The following TGDS variants were observed in gnomAD, a reference collection of about 807,000 sequenced individuals.
TGDS encodes UDP-D-glucose 4,6-dehydratase.
TGDS carries 47 observed loss-of-function variants against 52.3 expected under a neutral mutation model. That is an observed-to-expected ratio of 0.90 (90% CI 0.71 to 1.15). The LOEUF is 1.15. Ranked by LOEUF, TGDS falls within the 50% of genes most tolerant of loss-of-function variation. The pLI is 0.00. For missense variants in TGDS, 375 were observed against 418.4 expected (o/e 0.90, Z 0.90); for synonymous variants, 115 against 136.9 (o/e 0.84, Z 1.12).
chr13:94,595,991 T>G, intron 1 of TGDS, 60 bp downstream of exon 1: 6 of 1,601,976 alleles, frequency 3.7e-6, no homozygotes, highest in Non-Finnish European at 5.1e-6. Flanking sequence ...CAAGCAGAGC[T>G]GCGGGAAAAG....
chr13:94,581,220 G>A (rs781433395), intron 5 of TGDS, 31 bp from the exon 6 acceptor site: 3 of 1,371,584 alleles, frequency 2.2e-6, no homozygotes, highest in East Asian at 2.5e-5. Context: ...TTAAAAAAGT[G>A]TTATGCATAT....
chr13:94,593,910 A>G lies in TGDS; in HGVS notation c.87-3T>C, dbSNP rs756788268. The G allele has an allele frequency of 8.4e-6, 13 of 1,547,390 alleles. No homozygotes were observed. Among genetic ancestry groups the G allele is most frequent in the Non-Finnish European group, 1.1e-5 (13 of 1,143,038 alleles). On this transcript the variant is annotated splice_region_variant and splice_polypyrimidine_tract_variant and intron_variant, in intron 1 of 11. Transcript: ENST00000261296. ...AAGAGACAATCATATGTGATGCACT[A>G]TGGAAAAAAAGTATATCTTGTTAGT... is the stretch of plus-strand genomic sequence containing the variant.
intron 9 of TGDS, 77 bp from the exon 10 acceptor site, chr13:94,577,506 T>G: frequency 8.0e-7 from 1 of 1,242,336 alleles, no homozygotes; most frequent in Non-Finnish European, 1.1e-6. Context: ...AATGGCTGAT[T>G]AAAAAGAAAA....
At chr13:94,586,751 ATTTTTT>A (rs55763244) in intron 4 of TGDS, among the ~76,000 whole-genome samples, 2 of 36,840 alleles carry the variant, frequency 5.4e-5, no homozygotes, top group Non-Finnish European at 1.1e-4. Flanking sequence ...AAATCAAATT[ATTTTTT>A]TTTTTTTTTT....
At chr13:94,576,691 AAATGTTC>A (rs1385221925) in intron 10 of TGDS, among the ~76,000 whole-genome samples, 1 of 152,192 alleles carries the variant, frequency 6.6e-6, no homozygotes, top group Non-Finnish European at 1.5e-5. Flanking sequence ...AAAACTCAAC[AAATGTTC>A]AATGACTAAA....
intron 5 of TGDS, among the ~76,000 whole-genome samples, chr13:94,582,385 A>G (rs1299841008): frequency 2.0e-5 from 3 of 152,182 alleles, no homozygotes; most frequent in Non-Finnish European, 4.4e-5. Context: ...GAGATTTGCA[A>G]TTCTCTTGCA....
At chr13:94,590,735 C>T (rs1889166171) in intron 4 of TGDS, 118 bp downstream of exon 4, 1 of 727,728 alleles carries the variant, frequency 1.4e-6, no homozygotes, top group African/African-American at 1.9e-5. Context: ...ATAACACAGT[C>T]ACCGTGGGCT....
chr13:94,578,221 C>A, intron 8 of TGDS, 51 bp from the exon 9 acceptor site: 1 of 1,566,476 alleles, frequency 6.4e-7, no homozygotes. Context: ...GGTAAACTCT[C>A]CTAAAGCATT....
intron 2 of TGDS, among the ~76,000 whole-genome samples, chr13:94,593,025 G>A (rs1387510516): frequency 6.6e-6 from 1 of 152,008 alleles, no homozygotes. Context: ...TTGGTGGCAT[G>A]TGCCTGTAAT....
Position 94,578,010 on chromosome 13 carries a change from G to A in TGDS, c.820C>T (p.Gln274Ter), listed in dbSNP as rs140589210. The change falls in exon 9 of 12, where the codon CAA (glutamine) becomes TAA (stop). Residue 274 changes from glutamine to a stop codon, truncating the protein, a stop_gained. Transcript: ENST00000261296. LOFTEE classifies it high-confidence loss of function. ...SVVQLAKELI[Q>*]LIKETNSESE... ...CTTTTAAAACAGATACATACCAGTT[G>A]TATTAGTTCTTTGGCAAGCTGGACA... 2 of 1,613,634 alleles carry A rather than the reference G, an allele frequency of 1.2e-6. No individual in the cohort carries two copies. The highest frequency in any genetic ancestry group is 1.7e-6 in the Non-Finnish European group (2 of 1,179,750).
Position 94,578,790 on chromosome 13 carries a change from A to ATATCAT in TGDS, c.616-23_616-18dup. 7.0e-7 allele frequency: 1 copy of ATATCAT among 1,438,128 alleles called. No homozygotes were observed. 89.1% of individuals were successfully genotyped at this position (1,438,128 alleles called of 1,614,324 possible). On this transcript the variant is annotated splice_polypyrimidine_tract_variant and intron_variant, in intron 7 of 11. Coordinates refer to ENST00000261296, the MANE Select transcript of TGDS (RefSeq NM_014305.4). ...TGGAATAACCTAAAAGAATATTTAA[A>ATATCAT]TATCATTTCAGACTGGATATTTACT... is the stretch of plus-strand genomic sequence containing the variant.
chr13:94,576,073 AT>A (rs1888589115), intron 11 of TGDS, among the ~76,000 whole-genome samples: 1 of 152,232 alleles, frequency 6.6e-6, no homozygotes, highest in Non-Finnish European at 1.5e-5. Flanking sequence ...CTCAGAATAA[AT>A]AATACAGGTA....
At chr13:94,588,204 G>C (rs996012889) in intron 4 of TGDS, among the ~76,000 whole-genome samples, 8 of 151,532 alleles carry the variant, frequency 5.3e-5, no homozygotes, top group Admixed American at 4.6e-4. Context: ...AGGGTGGCTC[G>C]TCTGAGGTTG....
chr13:94,594,053 T>C (rs890362697), intron 1 of TGDS, 146 bp from the exon 2 acceptor site: 1 of 542,238 alleles, frequency 1.8e-6, no homozygotes, highest in African/African-American at 1.9e-5. Flanking sequence ...CTACACTAAA[T>C]ATACACACAT....
intron 4 of TGDS, among the ~76,000 whole-genome samples, chr13:94,585,993 A>T (rs941864500): frequency 6.6e-6 from 1 of 152,154 alleles, no homozygotes; most frequent in Non-Finnish European, 1.5e-5. Context: ...TAGTAGAGGG[A>T]GAAAAAGAGA....
chr13:94,590,079 C>T (rs115747258), intron 4 of TGDS, among the ~76,000 whole-genome samples: 4,393 of 151,034 alleles, frequency 0.029, 208 homozygotes, highest in African/African-American at 0.1. Context: ...AATATTATGA[C>T]ACTGAAAACA....
At chr13:94,580,750 G>A (rs1200297184) in intron 6 of TGDS, among the ~76,000 whole-genome samples, 2 of 152,202 alleles carry the variant, frequency 1.3e-5, no homozygotes, top group Non-Finnish European at 2.9e-5. Context: ...CGAAGAGGTC[G>A]GCCCTAATTT....
At chr13:94,589,273 A>G (rs1395284309) in intron 4 of TGDS, among the ~76,000 whole-genome samples, 2 of 151,874 alleles carry the variant, frequency 1.3e-5, no homozygotes, top group African/African-American at 4.8e-5. Context: ...TTCTCTTTCA[A>G]TGAGAAAAAG....
At position 94,591,035 on chromosome 13, in the gene TGDS, C is replaced by T. The variant is rs1889183941; in HGVS notation, c.223-92G>A. Reference sequence around the variant, plus strand: ...ACTATAGCATCCCCCTACCTCCCACCTCCCTGTTTAATAGAGAATGCCTTG... The same window carrying T: ...ACTATAGCATCCCCCTACCTCCCACTTCCCTGTTTAATAGAGAATGCCTTG... On this transcript the variant is annotated intron_variant, in intron 3 of 11. Coordinates refer to ENST00000261296, the MANE Select transcript of TGDS (RefSeq NM_014305.4). The T allele has an allele frequency of 1.1e-5, 9 of 820,080 alleles. No individual in the cohort carries two copies. The South Asian group carries it at 1.6e-4, about 14-fold the overall frequency. 50.8% of individuals were successfully genotyped at this position (820,080 alleles called of 1,614,324 possible).
Sources: gnomAD v4.1 joint callset for allele counts (sites outside exome capture counted in the v4.1 genomes callset) on GRCh38, gnomAD v4.1.1 for gene constraint, MANE v1.5 for transcripts, NCBI Gene and HGNC (gene_info 2026-07-23, HGNC 2026-07-21) for gene names.